COL21A1: variants seen among roughly 807,000 people sequenced by gnomAD.
COL21A1 encodes collagen alpha-1(XXI) chain.
Under a neutral mutation model 137.9 loss-of-function variants are expected in COL21A1, and 149 were observed. That is an observed-to-expected ratio of 1.08 (90% CI 0.95 to 1.24). The LOEUF is 1.24. COL21A1 is among the 50% of genes most tolerant of loss of function. The pLI is 0.00. For missense variants in COL21A1, 1,167 were observed against 1,158.4 expected (o/e 1.01, Z -0.11); for synonymous variants, 456 against 391.5 (o/e 1.16, Z -1.95).
chr6:56,268,644 T>C (rs1763451012), intron 1 of COL21A1, among the ~76,000 whole-genome samples: 1 of 152,104 alleles, frequency 6.6e-6, no homozygotes, highest in Non-Finnish European at 1.5e-5. Context: ...TTGACTATAC[T>C]CAACTTACAC....
chr6:56,098,800 C>G (rs1770135584), intron 17 of COL21A1, among the ~76,000 whole-genome samples: 2 of 143,668 alleles, frequency 1.4e-5, no homozygotes, highest in Admixed American at 1.5e-4. Flanking sequence ...ACCGCAACCC[C>G]CACCTCCCAG....
chr6:56,135,868 A>G (rs1054363414), intron 12 of COL21A1, among the ~76,000 whole-genome samples: 5 of 152,138 alleles, frequency 3.3e-5, no homozygotes, highest in African/African-American at 4.8e-5. Context: ...TTGGCACTTA[A>G]CATTGACTAT....
Position 56,057,819 on chromosome 6 carries a change from G to T in COL21A1, c.2712C>A (p.Ser904Arg). The T allele has an allele frequency of 6.3e-7, 1 of 1,581,100 alleles. No individual in the cohort carries two copies. Among genetic ancestry groups the T allele is most frequent in the South Asian group, 1.2e-5 (1 of 86,498 alleles). The part of the protein sequence containing the change: ...PPGPEGPPGI[S>R]KEGPPGDPGL... The stretch of plus-strand genomic sequence containing the variant: ...CTGGGTCTCCTGGAGGACCTTCTTT[G>T]CTTATTCCAGGAGGGCCCTCTGGAC... The change falls in exon 30 of 30, where the codon AGC becomes AGA. Residue 904 changes from serine to arginine, a missense_variant. Transcript: ENST00000244728.
chr6:56,260,643 G>GA (rs1562028822), intron 1 of COL21A1, among the ~76,000 whole-genome samples: 5 of 52,076 alleles, frequency 9.6e-5, no homozygotes, highest in African/African-American at 1.9e-4. Context: ...AAGGAAGGAA[G>GA]GAAGGAAGGA....
At chr6:56,132,485 A>G (rs1223714917) in intron 12 of COL21A1, among the ~76,000 whole-genome samples, 1 of 152,224 alleles carries the variant, frequency 6.6e-6, no homozygotes, top group Non-Finnish European at 1.5e-5. Flanking sequence ...AATTAAAACA[A>G]TTCTGCAATG....
At chr6:56,257,559 T>C (rs1763132069) in intron 1 of COL21A1, among the ~76,000 whole-genome samples, 2 of 152,076 alleles carry the variant, frequency 1.3e-5, no homozygotes, top group Admixed American at 6.5e-5. Flanking sequence ...AAATTGTGGA[T>C]TGGTTAAATC....
intron 1 of COL21A1, chr6:56,331,912 A>T (rs1300645065): frequency 6.6e-6 from 1 of 152,098 alleles, no homozygotes; most frequent in African/African-American, 2.4e-5. Flanking sequence ...GCAATAAATC[A>T]GAAGTACTGC....
At chr6:56,274,024 T>C (rs1004071554) in intron 1 of COL21A1, among the ~76,000 whole-genome samples, 5 of 152,108 alleles carry the variant, frequency 3.3e-5, no homozygotes, top group African/African-American at 4.8e-5. Flanking sequence ...ATCAAAAAGA[T>C]AATACACCAC....
chr6:56,343,133 C>T (rs1285069998), intron 1 of COL21A1, among the ~76,000 whole-genome samples: 2 of 151,862 alleles, frequency 1.3e-5, no homozygotes, highest in African/African-American at 2.4e-5. Flanking sequence ...TGTAAAATAC[C>T]CCAAGGTTTA....
At chr6:56,165,521 G>A (rs922963152) in intron 7 of COL21A1, among the ~76,000 whole-genome samples, 2 of 152,198 alleles carry the variant, frequency 1.3e-5, no homozygotes, top group African/African-American at 4.8e-5. Context: ...AATGAAGTAT[G>A]CACAATGAAT....
In COL21A1 at chr6:56,067,099, T is replaced by C. The variant is rs903197948; in HGVS notation, c.2127+196A>G. 8.6e-5 allele frequency among the ~76,000 whole-genome samples: 13 copies of C among 151,452 alleles called. 1 individual carries two copies. Among genetic ancestry groups the C allele is most frequent in the Non-Finnish European group, 7.4e-5 (5 of 67,694 alleles). ...GTTGAATCATTTTGTTTCTAAGTTT[T>C]CTGCAACAGCAAAGTGGTGAGGAAT... On this transcript the variant is annotated intron_variant, in intron 23 of 29. Transcript: ENST00000244728.
At chr6:56,182,702 C>T (rs1777997054) in intron 1 of COL21A1, 46 bp from the exon 2 acceptor site, 1 of 792,246 alleles carries the variant, frequency 1.3e-6, no homozygotes, top group South Asian at 1.6e-5. Context: ...TTAAAGTCAA[C>T]ATCTAGCCAT....
chr6:56,089,714 A>C (rs923500827), intron 17 of COL21A1, among the ~76,000 whole-genome samples: 42 of 152,196 alleles, frequency 2.8e-4, no homozygotes, highest in African/African-American at 8.7e-4. Flanking sequence ...TCCCCATACC[A>C]GTGAGACTAC....
At chr6:56,393,347 C>T (rs1355899481) in intron 1 of COL21A1, among the ~76,000 whole-genome samples, 1 of 152,060 alleles carries the variant, frequency 6.6e-6, no homozygotes, top group Non-Finnish European at 1.5e-5. Context: ...AAAATCAAAT[C>T]AAAATAGATT....
At chr6:56,096,999 A>C (rs1016613864) in intron 17 of COL21A1, among the ~76,000 whole-genome samples, 1 of 151,792 alleles carries the variant, frequency 6.6e-6, no homozygotes, top group Non-Finnish European at 1.5e-5. Flanking sequence ...ATAAAAACCA[A>C]GTTTTCATTA....
At chr6:56,262,855 T>A (rs1393463439) in intron 1 of COL21A1, among the ~76,000 whole-genome samples, 1 of 152,162 alleles carries the variant, frequency 6.6e-6, no homozygotes, top group Non-Finnish European at 1.5e-5. Flanking sequence ...CAAGGGAAGA[T>A]GTTATAAGGA....
chr6:56,298,182 A>G (rs765931693), intron 1 of COL21A1, among the ~76,000 whole-genome samples: 2 of 151,964 alleles, frequency 1.3e-5, no homozygotes, highest in Non-Finnish European at 2.9e-5. Context: ...TCCAATGGTG[A>G]AGGGAATACT....
At chr6:56,181,758 A>G (rs1777911118) in intron 2 of COL21A1, among the ~76,000 whole-genome samples, 1 of 152,168 alleles carries the variant, frequency 6.6e-6, no homozygotes, top group South Asian at 2.1e-4. Flanking sequence ...CATGGTTCAA[A>G]TACTAGTTAC....
At chr6:56,233,635 A>AC (rs1781724109) in intron 1 of COL21A1, among the ~76,000 whole-genome samples, 6 of 151,720 alleles carry the variant, frequency 4.0e-5, no homozygotes, top group Non-Finnish European at 8.9e-5. Flanking sequence ...AAAGAGACAT[A>AC]TGGAGAAATA....
Sources: gnomAD v4.1 joint callset for allele counts (sites outside exome capture counted in the v4.1 genomes callset) on GRCh38, gnomAD v4.1.1 for gene constraint, MANE v1.5 for transcripts, NCBI Gene and HGNC (gene_info 2026-07-23, HGNC 2026-07-21) for gene names.